The following RGS6 variants were observed in gnomAD, a reference collection of about 807,000 sequenced individuals.
RGS6 encodes regulator of G protein signaling 6.
Under a neutral mutation model 78.5 loss-of-function variants are expected in RGS6, and 30 were observed. The observed-to-expected ratio is 0.38, with a 90% confidence interval of 0.29 to 0.52. The LOEUF (loss-of-function observed/expected upper bound fraction) is 0.52. Ranked by LOEUF, RGS6 falls within the 20% of genes least tolerant of loss-of-function variation. The probability of loss-of-function intolerance (pLI) is 0.85; values close to 1 mark genes in which losing one functional copy is unlikely to be tolerated. For missense variants in RGS6, 495 were observed against 609.7 expected, an observed-to-expected ratio of 0.81 and a Z score of 1.98; for synonymous variants, 206 against 206.0, an observed-to-expected ratio of 1.00 and a Z score of 0.00.
chr14:72,395,644 T>C (rs2091053672), intron 3 of RGS6, among the ~76,000 whole-genome samples: 1 of 152,172 alleles, frequency 6.6e-6, no homozygotes, highest in Admixed American at 6.5e-5. Flanking sequence ...TAACTCGTCA[T>C]TTAACATTAG....
At chr14:72,493,196 C>T (rs181350215) in intron 12 of RGS6, among the ~76,000 whole-genome samples, 16 of 152,102 alleles carry the variant, frequency 1.1e-4, no homozygotes, top group South Asian at 4.2e-4. Context: ...GAAGGCTCAG[C>T]GTGAAAGAGT....
At chr14:72,478,439 A>G (rs959006235) in intron 12 of RGS6, 110 bp downstream of exon 12, 17 of 799,520 alleles carry the variant, frequency 2.1e-5, no homozygotes, top group Non-Finnish European at 4.1e-6. Flanking sequence ...GACTGTAGTT[A>G]TTCCTTAGAC....
At chr14:72,022,421 G>A (rs1421213135) in intron 2 of RGS6, 1 of 152,180 alleles carries the variant, frequency 6.6e-6, no homozygotes, top group East Asian at 1.9e-4. Context: ...GACTAGTCAA[G>A]TACACTAGTG....
At chr14:72,447,025 C>T (rs2095382593) in intron 3 of RGS6, among the ~76,000 whole-genome samples, 2 of 152,116 alleles carry the variant, frequency 1.3e-5, no homozygotes, top group South Asian at 4.1e-4. Flanking sequence ...GCTGAGGACC[C>T]CTGAGCTAGA....
At chr14:72,374,506 A>C (rs1174335145) in intron 3 of RGS6, among the ~76,000 whole-genome samples, 1 of 152,250 alleles carries the variant, frequency 6.6e-6, no homozygotes, top group Non-Finnish European at 1.5e-5. Context: ...ACACCATGGA[A>C]TACTATGCAG....
chr14:71,873,093 A>G, the RGS6 span, among the ~76,000 whole-genome samples: 1 of 152,186 alleles, frequency 6.6e-6, no homozygotes, highest in African/African-American at 2.4e-5. Context: ...ATAGTGCCGC[A>G]ATAAACATAC....
intron 3 of RGS6, among the ~76,000 whole-genome samples, chr14:72,453,411 C>T (rs985750171): frequency 3.0e-4 from 46 of 151,116 alleles, no homozygotes; most frequent in African/African-American, 1.1e-3. Context: ...GTCAGGAGAT[C>T]GAGACCATCC....
At chr14:72,342,074 C>T (rs1203547085) in intron 2 of RGS6, among the ~76,000 whole-genome samples, 1 of 152,050 alleles carries the variant, frequency 6.6e-6, no homozygotes, top group Non-Finnish European at 1.5e-5. Flanking sequence ...TATTAAAGGC[C>T]TTATGTTCAA....
At chr14:72,297,773 A>T (rs2065166425) in intron 2 of RGS6, among the ~76,000 whole-genome samples, 1 of 151,862 alleles carries the variant, frequency 6.6e-6, no homozygotes, top group Admixed American at 6.6e-5. Flanking sequence ...TTATTTATTT[A>T]GATCTTCTTT....
the RGS6 span, among the ~76,000 whole-genome samples, chr14:72,589,367 T>C: frequency 6.6e-6 from 1 of 152,100 alleles, no homozygotes; most frequent in African/African-American, 2.4e-5. Context: ...CTGGCCAACA[T>C]GGTGAAACCC....
At chr14:72,541,524 C>A in intron 17 of RGS6, 1 of 1,535,686 alleles carries the variant, frequency 6.5e-7, no homozygotes, top group Non-Finnish European at 8.7e-7. Context: ...GGCTGCTTTG[C>A]CAATGGCCGT....
At chr14:72,265,990 G>A (rs2059006780) in intron 2 of RGS6, among the ~76,000 whole-genome samples, 1 of 151,610 alleles carries the variant, frequency 6.6e-6, no homozygotes, top group South Asian at 2.1e-4. Context: ...CATACTTGCT[G>A]TTCTGTTTAT....
chr14:72,399,759 GT>G (rs1453404012), intron 3 of RGS6, among the ~76,000 whole-genome samples: 44 of 152,256 alleles, frequency 2.9e-4, no homozygotes, highest in African/African-American at 1.1e-3. Flanking sequence ...TTGCTTGTCT[GT>G]AAAGTATTTT....
upstream of RGS6, among the ~76,000 whole-genome samples, chr14:71,930,827 A>G (rs189316243): frequency 1.3e-4 from 17 of 134,280 alleles, no homozygotes; most frequent in East Asian, 3.3e-3. Flanking sequence ...TACTGAAAAC[A>G]CACAAAAAAT....
the RGS6 span, chr14:72,594,979 T>A: frequency 4.6e-5 from 7 of 152,152 alleles, no homozygotes; most frequent in Non-Finnish European, 1.0e-4. Flanking sequence ...GTGGTCATGC[T>A]TGAAAGTCAT....
intron 2 of RGS6, among the ~76,000 whole-genome samples, chr14:71,972,440 T>C (rs1324654909): frequency 2.0e-5 from 3 of 152,112 alleles, no homozygotes; most frequent in Non-Finnish European, 4.4e-5. Context: ...ATATCATCTG[T>C]TTACCAATAA....
intron 2 of RGS6, among the ~76,000 whole-genome samples, chr14:72,196,195 A>G (rs933931243): frequency 1.3e-5 from 2 of 152,168 alleles, no homozygotes; most frequent in South Asian, 2.1e-4. Flanking sequence ...GGAGGGTACA[A>G]TGAGAGGAAC....
chr14:72,328,465 G>T (rs2074284511), intron 2 of RGS6, among the ~76,000 whole-genome samples: 1 of 152,030 alleles, frequency 6.6e-6, no homozygotes, highest in Admixed American at 6.6e-5. Context: ...TACTTTCACG[G>T]TCTACACAAA....
At chr14:72,001,356 C>T (rs1246352865) in intron 2 of RGS6, among the ~76,000 whole-genome samples, 1 of 152,010 alleles carries the variant, frequency 6.6e-6, no homozygotes, top group Non-Finnish European at 1.5e-5. Context: ...AATTGCTATG[C>T]AATTCTGTGA....
Sources: allele counts gnomAD v4.1 joint callset (sites outside exome capture counted in the v4.1 genomes callset), GRCh38; gene constraint gnomAD v4.1.1; transcripts MANE v1.5; gene names NCBI Gene and HGNC (gene_info 2026-07-23, HGNC 2026-07-21).